Variants in STPG2 observed in about 807,000 individuals in gnomAD.
STPG2 encodes sperm tail PG-rich repeat containing 2.
A neutral mutation model predicts 54.2 loss-of-function variants in STPG2; 56 were observed. That is an observed-to-expected ratio of 1.03 (90% CI 0.83 to 1.29). The LOEUF (loss-of-function observed/expected upper bound fraction) is 1.29. STPG2 is among the 50% of genes most tolerant of loss of function. STPG2 has a pLI of 0.00. For missense variants in STPG2, 596 were observed against 544.9 expected, an observed-to-expected ratio of 1.09 and a Z score of -0.93; for synonymous variants, 200 against 181.8, an observed-to-expected ratio of 1.10 and a Z score of -0.81.
chr4:97,865,823 C>T (rs546006476), intron 8 of STPG2, among the ~76,000 whole-genome samples: 1 of 151,830 alleles, frequency 6.6e-6, no homozygotes, highest in Non-Finnish European at 1.5e-5. Context: ...ACATTGTGCA[C>T]ATGTACCCTA....
At chr4:98,091,150 T>A (rs1738673240) in intron 5 of STPG2, among the ~76,000 whole-genome samples, 2 of 152,080 alleles carry the variant, frequency 1.3e-5, no homozygotes, top group Admixed American at 6.5e-5. Context: ...TGCTAACACC[T>A]AAGTATTTGT....
At chr4:97,792,108 G>T (rs1469050638) in intron 9 of STPG2, among the ~76,000 whole-genome samples, 1 of 152,122 alleles carries the variant, frequency 6.6e-6, no homozygotes, top group Non-Finnish European at 1.5e-5. Flanking sequence ...TCTTTAAAGT[G>T]CTAAGAAAAC....
chr4:97,781,853 G>T (rs1726635836), intron 9 of STPG2, among the ~76,000 whole-genome samples: 1 of 152,166 alleles, frequency 6.6e-6, no homozygotes, highest in African/African-American at 2.4e-5. Context: ...CTCAATAGAT[G>T]CAGAAGAGGC....
intron 9 of STPG2, among the ~76,000 whole-genome samples, chr4:97,739,109 G>A (rs1036840407): frequency 2.6e-5 from 4 of 152,052 alleles, no homozygotes; most frequent in African/African-American, 9.7e-5. Context: ...GCTCCTGAAT[G>A]ACTACTGGGT....
chr4:97,854,582 C>A (rs1397248892), intron 8 of STPG2, among the ~76,000 whole-genome samples: 1 of 151,174 alleles, frequency 6.6e-6, no homozygotes, highest in East Asian at 1.9e-4. Context: ...TTTTTAAAAA[C>A]ATGGGGATCG....
At chr4:97,914,776 T>A (rs1731810595) in intron 8 of STPG2, among the ~76,000 whole-genome samples, 1 of 152,214 alleles carries the variant, frequency 6.6e-6, no homozygotes, top group Non-Finnish European at 1.5e-5. Context: ...ATGAGCATTT[T>A]CTTTGAGCAT....
intron 4 of STPG2, among the ~76,000 whole-genome samples, chr4:97,462,510 A>G (rs2148809069): frequency 6.6e-6 from 1 of 152,212 alleles, no homozygotes; most frequent in African/African-American, 2.4e-5. Context: ...GAAAACTAGC[A>G]TCCATAAAAT....
chr4:97,904,783 C>G (rs1318617828), intron 8 of STPG2, among the ~76,000 whole-genome samples: 1 of 152,142 alleles, frequency 6.6e-6, no homozygotes, highest in East Asian at 1.9e-4. Flanking sequence ...GAGCTGAAAA[C>G]CAAGGCTTGA....
intron 9 of STPG2, 63 bp from the exon 10 acceptor site, chr4:97,712,877 T>G (rs1724169948): frequency 8.6e-7 from 1 of 1,159,206 alleles, no homozygotes; most frequent in Admixed American, 2.3e-5. Context: ...ATTTTGGTCA[T>G]ATGAATATTA....
At chr4:97,675,591 C>T (rs1010353725) in intron 10 of STPG2, among the ~76,000 whole-genome samples, 1 of 151,958 alleles carries the variant, frequency 6.6e-6, no homozygotes, top group Admixed American at 6.6e-5. Context: ...TTGAGTGTGC[C>T]AAGAATAAGA....
chr4:97,899,495 A>G (rs7672366), intron 8 of STPG2, among the ~76,000 whole-genome samples: 24,540 of 151,870 alleles, frequency 0.16, 2,118 homozygotes, highest in East Asian at 0.35. Context: ...TGAAACCAAA[A>G]AAGAATCCAA....
At chr4:97,617,615 C>G (rs1195913696) in intron 10 of STPG2, among the ~76,000 whole-genome samples, 2 of 152,126 alleles carry the variant, frequency 1.3e-5, no homozygotes, top group Non-Finnish European at 2.9e-5. Flanking sequence ...CACTCCCTCT[C>G]TTTTTTCTCA....
chr4:97,910,329 G>C (rs561731901), intron 8 of STPG2, among the ~76,000 whole-genome samples: 3 of 152,180 alleles, frequency 2.0e-5, no homozygotes, highest in African/African-American at 4.8e-5. Context: ...TGGAAAGGTC[G>C]GGGAAAATAA....
intron 4 of STPG2, among the ~76,000 whole-genome samples, chr4:97,443,115 C>A (rs1376688667): frequency 6.6e-6 from 1 of 152,070 alleles, no homozygotes; most frequent in Non-Finnish European, 1.5e-5. Flanking sequence ...TACAGACAAC[C>A]AAGTTTTGAA....
intron 9 of STPG2, among the ~76,000 whole-genome samples, chr4:97,740,528 A>C (rs1220956455): frequency 6.6e-6 from 1 of 152,164 alleles, no homozygotes; most frequent in Non-Finnish European, 1.5e-5. Flanking sequence ...AGGATACAAA[A>C]TCAATGTACA....
intron 5 of STPG2, among the ~76,000 whole-genome samples, chr4:98,052,084 T>C (rs1737341268): frequency 8.6e-6 from 1 of 116,386 alleles, no homozygotes; most frequent in African/African-American, 3.5e-5. Context: ...CAAAACTCTG[T>C]CTCAAAAAAA....
At chr4:98,013,928 T>G (rs916217996) in intron 5 of STPG2, among the ~76,000 whole-genome samples, 1 of 152,078 alleles carries the variant, frequency 6.6e-6, no homozygotes, top group Non-Finnish European at 1.5e-5. Context: ...AGCTCCTGGA[T>G]TCACTGATTT....
At chr4:97,567,854 A>C (rs1732495909) in intron 10 of STPG2, among the ~76,000 whole-genome samples, 1 of 152,192 alleles carries the variant, frequency 6.6e-6, no homozygotes, top group Non-Finnish European at 1.5e-5. Context: ...GAGCAAAAGA[A>C]TATATAGATA....
At chr4:97,492,757 A>C (rs1475520948) in intron 4 of STPG2, among the ~76,000 whole-genome samples, 1 of 151,214 alleles carries the variant, frequency 6.6e-6, no homozygotes, top group Non-Finnish European at 1.5e-5. Context: ...ACTAAATTGA[A>C]TAACTTATGA....
Sources: gnomAD v4.1 joint callset for allele counts (sites outside exome capture counted in the v4.1 genomes callset) on GRCh38, gnomAD v4.1.1 for gene constraint, MANE v1.5 for transcripts, NCBI Gene and HGNC (gene_info 2026-07-23, HGNC 2026-07-21) for gene names.